Variants in HAUS2 observed in about 807,000 individuals in gnomAD.
The protein encoded by HAUS2 is HAUS augmin-like complex subunit 2.
A neutral mutation model predicts 21.6 loss-of-function variants in HAUS2; 20 were observed. The ratio of observed to expected loss-of-function variants is 0.93; its 90% CI spans 0.65 to 1.35. The LOEUF is 1.35. Ranked by LOEUF, HAUS2 falls within the 40% of genes most tolerant of loss-of-function variation. The pLI is 0.00. For missense variants in HAUS2, 297 were observed against 280.7 expected, an observed-to-expected ratio of 1.06 and a Z score of -0.42; for synonymous variants, 113 against 95.6, an observed-to-expected ratio of 1.18 and a Z score of -1.06.
intron 2 of HAUS2, among the ~76,000 whole-genome samples, chr15:42,558,816 G>C (rs879779743): frequency 1.3e-5 from 2 of 151,976 alleles, no homozygotes; most frequent in Non-Finnish European, 2.9e-5. Flanking sequence ...AAAGTAACCA[G>C]ACATGGTGGC....
intron 3 of HAUS2, among the ~76,000 whole-genome samples, chr15:42,560,198 C>A (rs898610913): frequency 6.6e-6 from 1 of 152,062 alleles, no homozygotes. Context: ...TATTGGGATA[C>A]TTAGTGATGT....
chr15:42,550,381 C>A (rs1023804592), intron 1 of HAUS2, among the ~76,000 whole-genome samples: 22 of 151,680 alleles, frequency 1.5e-4, no homozygotes, highest in African/African-American at 2.4e-5. Flanking sequence ...ACTCTAATAC[C>A]TTACAGTATT....
Position 42,561,398 on chromosome 15 carries a change from C to G in HAUS2, c.385C>G (p.His129Asp), listed in dbSNP as rs977746867. The G allele has an allele frequency of 1.2e-6, 2 of 1,602,812 alleles. No individual in the cohort carries two copies. Among genetic ancestry groups the G allele is most frequent in the Non-Finnish European group, 8.5e-7 (1 of 1,170,162 alleles). ...QENLPIEAVY[H>D]RYMVHLLELA... ...AAACTTACCTATTGAAGCTGTTTAT[C>G]ACAGGTTAGACTGAAAAGTAGAAAT... is the stretch of plus-strand genomic sequence containing the variant. Residue 129 changes from histidine (H) to aspartate (D), a missense_variant, in exon 4 of 6, where the codon CAC becomes GAC. Physicochemically the swap from His to Asp is moderately conservative, Grantham distance 81. Coordinates refer to ENST00000260372, the MANE Select transcript of HAUS2 (RefSeq NM_018097.3).
chr15:42,566,618 A>G lies in HAUS2; in HGVS notation c.510A>G (p.Leu170=), dbSNP rs2057909499. 6.3e-7 allele frequency: 1 copy of G among 1,584,872 alleles called. No homozygotes were observed. The highest frequency in any genetic ancestry group is 8.7e-7 in the Non-Finnish European group (1 of 1,153,512). Residue 170 remains leucine (L), a synonymous_variant, in exon 6 of 6, where the codon TTA becomes TTG. Coordinates refer to ENST00000260372, the MANE Select transcript of HAUS2 (RefSeq NM_018097.3). The stretch of plus-strand genomic sequence containing the variant: ...TTCAAATGTTACAGAACCAGGCTTT[A>G]GCAAAGATGGATATATTGGTGACTG... ...AANLKKMNQA[L]AKMDILVTET... is the part of the protein sequence containing the mutation.
Position 42,567,014 on chromosome 15 carries a change from G to A in HAUS2, c.*198G>A. On this transcript the variant is annotated 3_prime_UTR_variant, in exon 6 of 6. Transcript: ENST00000260372. ...TCATATATTTTTATTCTACCTTTCA[G>A]TAAAACTAGAGAAGCTAAAAAATAG... The A allele has an allele frequency of 4.9e-6, 2 of 410,778 alleles. No homozygotes were observed. The highest frequency in any genetic ancestry group is 8.7e-6 in the Non-Finnish European group (2 of 228,988). The allele number at this position is 410,778 out of a possible 1,614,324, so 25.4% of individuals were successfully genotyped here.
chr15:42,559,990 C>A (rs1017039788), intron 3 of HAUS2, among the ~76,000 whole-genome samples: 2 of 151,618 alleles, frequency 1.3e-5, no homozygotes, highest in African/African-American at 4.8e-5. Flanking sequence ...CCTATCTCTA[C>A]AAAAAAAATA....
At chr15:42,557,364 TTA>T (rs1465364697) in intron 1 of HAUS2, among the ~76,000 whole-genome samples, 3 of 27,078 alleles carry the variant, frequency 1.1e-4, no homozygotes, top group African/African-American at 1.7e-4. Flanking sequence ...AATATATATT[TTA>T]TATATATTAT....
At chr15:42,556,967 G>T (rs2057784110) in intron 1 of HAUS2, among the ~76,000 whole-genome samples, 1 of 151,752 alleles carries the variant, frequency 6.6e-6, no homozygotes, top group Non-Finnish European at 1.5e-5. Context: ...TCAGTTGAAT[G>T]CAAGAGGCAG....
At chr15:42,564,904 C>T (rs1014405553) in intron 5 of HAUS2, among the ~76,000 whole-genome samples, 4 of 152,212 alleles carry the variant, frequency 2.6e-5, no homozygotes, top group East Asian at 1.9e-4. Context: ...GGCACAATCT[C>T]GGCTCAGTGC....
chr15:42,558,648 C>A (rs2057814774), intron 2 of HAUS2, among the ~76,000 whole-genome samples: 1 of 151,650 alleles, frequency 6.6e-6, no homozygotes, highest in South Asian at 2.1e-4. Context: ...CTTTCTACTC[C>A]TAGTATAGGA....
chr15:42,554,994 ATT>A (rs1302787324), intron 1 of HAUS2, among the ~76,000 whole-genome samples: 3 of 141,992 alleles, frequency 2.1e-5, no homozygotes, highest in Non-Finnish European at 1.6e-5. Context: ...TGCCTGGCTA[ATT>A]TTTTTTTTTT....
rs1365098207 is a variant in HAUS2, at chr15:42,569,827, C to A, written c.*3011C>A. ...GTATTTCATCAAAAATCTGTTCATA[C>A]CCCACGTTGGTTTCAAAACATACTA... On this transcript the variant is annotated 3_prime_UTR_variant, in exon 6 of 6. Coordinates refer to ENST00000260372, the MANE Select transcript of HAUS2 (RefSeq NM_018097.3). The A allele has an allele frequency of 6.6e-6, 1 of 152,164 alleles. No homozygotes were observed. Among genetic ancestry groups the A allele is most frequent in the Non-Finnish European group, 1.5e-5 (1 of 68,042 alleles). The allele number at this position is 152,164 out of a possible 1,614,324, so 9.4% of individuals were successfully genotyped here.
At position 42,563,729 on chromosome 15, in the gene HAUS2, CT is replaced by C. The variant is rs899794369; in HGVS notation, c.390-14del. The stretch of plus-strand genomic sequence containing the variant: ...CAATTAAACTTTAAAAAATGGTTGA[CT>C]TTTTTCTTTCTCTTTCAGATATATG... On this transcript the variant is annotated intron_variant, in intron 4 of 5. Coordinates refer to ENST00000260372, the MANE Select transcript of HAUS2 (RefSeq NM_018097.3). The C allele has an allele frequency of 3.6e-5, 45 of 1,242,330 alleles. No homozygotes were observed. The highest frequency in any genetic ancestry group is 2.9e-4 in the Admixed American group (17 of 57,868). The allele number at this position is 1,242,330 out of a possible 1,614,324, so 77.0% of individuals were successfully genotyped here.
chr15:42,560,648 A>G (rs1402203123), intron 3 of HAUS2: 3 of 504,018 alleles, frequency 6.0e-6, no homozygotes, highest in Non-Finnish European at 1.0e-5. Flanking sequence ...AGAGTGTGTC[A>G]CTCTGTAACC....
chr15:42,565,387 A>ATGTGTGTG (rs139933934), intron 5 of HAUS2, among the ~76,000 whole-genome samples: 1,633 of 136,442 alleles, frequency 0.012, 22 homozygotes, highest in African/African-American at 0.027. Context: ...GAGCCATTGA[A>ATGTGTGTG]TGTGTGTGTG....
intron 1 of HAUS2, among the ~76,000 whole-genome samples, chr15:42,556,457 G>C (rs534346439): frequency 2.0e-5 from 3 of 151,074 alleles, no homozygotes; most frequent in African/African-American, 7.3e-5. Flanking sequence ...TAGAGACGGG[G>C]TTTCACCATG....
At position 42,561,407 on chromosome 15, in the gene HAUS2, G is replaced by T; in HGVS notation, c.389+5G>T. The T allele has an allele frequency of 6.3e-7, 1 of 1,596,658 alleles. No homozygotes were observed. ...TATTGAAGCTGTTTATCACAGGTTA[G>T]ACTGAAAAGTAGAAATTAACAGTTA... On this transcript the variant is annotated splice_donor_5th_base_variant and intron_variant, in intron 4 of 5. Coordinates refer to ENST00000260372, the MANE Select transcript of HAUS2 (RefSeq NM_018097.3).
rs187303447 is a variant in HAUS2 at position 42,549,484 on chromosome 15, A to G, written c.93+519A>G. On this transcript the variant is annotated intron_variant, in intron 1 of 5. Coordinates refer to ENST00000260372, the MANE Select transcript of HAUS2 (RefSeq NM_018097.3). ...TTATATGAGACAGAGTCTCGCTCTAACGCCCAGGCTGGAGTGCAGTGGCGT... is the reference window on the plus strand; with the variant it reads ...TTATATGAGACAGAGTCTCGCTCTAGCGCCCAGGCTGGAGTGCAGTGGCGT... Among the ~76,000 whole-genome samples the G allele has an allele frequency of 3.6e-3, 542 of 151,722 alleles. 2 individuals carry two copies. The highest frequency in any genetic ancestry group is 0.013 in the African/African-American group (523 of 41,392).
rs190622836 is a variant in HAUS2, at chr15:42,565,107, G to T, written c.498+1250G>T. On this transcript the variant is annotated intron_variant, in intron 5 of 5. Coordinates refer to ENST00000260372, the MANE Select transcript of HAUS2 (RefSeq NM_018097.3). ...CTGCCTCAGCCTCCCAAAGTGTTGG[G>T]ATTAAAGGCCTGAGCCACCGCACTT... is the stretch of plus-strand genomic sequence containing the variant. Among the ~76,000 whole-genome samples the T allele has an allele frequency of 2.5e-3, 388 of 152,340 alleles. 3 individuals are homozygous for T. The highest frequency in any genetic ancestry group is 4.1e-3 in the Non-Finnish European group (282 of 68,032).
Sources: allele counts gnomAD v4.1 joint callset (sites outside exome capture counted in the v4.1 genomes callset), GRCh38; gene constraint gnomAD v4.1.1; transcripts MANE v1.5; gene names NCBI Gene and HGNC (gene_info 2026-07-23, HGNC 2026-07-21).